UGDH: variants seen among roughly 807,000 people sequenced by gnomAD.
UGDH encodes UDP-glucose 6-dehydrogenase, also known as UDP-Glc dehydrogenase.
UGDH carries 38 observed loss-of-function variants against 50.6 expected under a neutral mutation model. That is an observed-to-expected ratio of 0.75 (90% CI 0.58 to 0.98). The LOEUF (loss-of-function observed/expected upper bound fraction) is 0.98. Ranked by LOEUF, UGDH falls within the 50% of genes least tolerant of loss-of-function variation. The pLI, the probability that UGDH is intolerant of heterozygous loss-of-function variation, is 0.00. For missense variants in UGDH, 465 were observed against 606.2 expected (o/e 0.77, Z 2.45); for synonymous variants, 168 against 199.9 (o/e 0.84, Z 1.35).
At chr4:39,516,651 T>A (rs1403953974) in intron 2 of UGDH, among the ~76,000 whole-genome samples, 1 of 152,170 alleles carries the variant, frequency 6.6e-6, no homozygotes, top group Non-Finnish European at 1.5e-5. Context: ...TCTCCAATGG[T>A]TCCGAGGTCT....
chr4:39,515,951 C>A (rs1746427637), intron 2 of UGDH, among the ~76,000 whole-genome samples: 1 of 152,126 alleles, frequency 6.6e-6, no homozygotes, highest in Non-Finnish European at 1.5e-5. Flanking sequence ...CCACCCGCCT[C>A]AGCCTCCGAA....
At position 39,508,569 on chromosome 4, in the gene UGDH, C is replaced by T; in HGVS notation, c.903G>A (p.Gln301=). 6 of 1,611,092 alleles carry T rather than the reference C, an allele frequency of 3.7e-6. No individual in the cohort carries two copies. Among genetic ancestry groups the T allele is most frequent in the Non-Finnish European group, 5.1e-6 (6 of 1,178,986 alleles). ...LNLPEVARYW[Q]QVIDMNDYQR... ...TATTACCTATAGAGATTAATACCTG[C>T]TGCCAATAACGAGCTACTTCTGGCA... Residue 301 remains glutamine (Q), a synonymous_variant, in exon 7 of 12, where the codon CAG becomes CAA. Coordinates refer to ENST00000316423, the MANE Select transcript of UGDH (RefSeq NM_003359.4).
Position 39,504,527 on chromosome 4 carries a change from CA to C in UGDH, c.1172-20del, listed in dbSNP as rs777312314. ...CGGGACACTGTAACAATAGCAACAA[CA>C]AAAAAACAGAAATAAGAAAGGAGTT... On this transcript the variant is annotated intron_variant, in intron 9 of 11. Coordinates refer to ENST00000316423, the MANE Select transcript of UGDH (RefSeq NM_003359.4). The C allele has an allele frequency of 1.2e-6, 2 of 1,602,644 alleles. No homozygotes were observed. The highest frequency in any genetic ancestry group is 1.7e-6 in the Non-Finnish European group (2 of 1,171,614).
At position 39,509,916 on chromosome 4, in the gene UGDH, A is replaced by G. The variant is rs1746172613; in HGVS notation, c.664-9T>C. The G allele has an allele frequency of 6.3e-7, 1 of 1,575,552 alleles. No individual in the cohort carries two copies. The highest frequency in any genetic ancestry group is 8.5e-7 in the Non-Finnish European group (1 of 1,171,732). The stretch of plus-strand genomic sequence containing the variant: ...AGAAAAGCATTTGCTGCCTTAAAAA[A>G]AAAAAACATAGAGAAGAGTAAGATA... On this transcript the variant is annotated splice_polypyrimidine_tract_variant and intron_variant, in intron 5 of 11. Transcript: ENST00000316423.
intron 2 of UGDH, among the ~76,000 whole-genome samples, chr4:39,515,768 C>T (rs1481091161): frequency 2.0e-5 from 3 of 152,116 alleles, no homozygotes; most frequent in Admixed American, 2.0e-4. Context: ...GGCACCATCT[C>T]GTCTCACTGC....
chr4:39,525,664 G>T (rs1044130028), intron 1 of UGDH, among the ~76,000 whole-genome samples: 1 of 144,048 alleles, frequency 6.9e-6, no homozygotes, highest in African/African-American at 2.8e-5. Flanking sequence ...CCGCCACTAC[G>T]CCCGGCTAAT....
chr4:39,526,135 T>A (rs1746879754), intron 1 of UGDH, among the ~76,000 whole-genome samples: 1 of 152,238 alleles, frequency 6.6e-6, no homozygotes, highest in African/African-American at 2.4e-5. Flanking sequence ...TATAGTTGGA[T>A]ACATCAGCTT....
chr4:39,500,554 C>T (rs1273157599), intron 11 of UGDH, among the ~76,000 whole-genome samples: 1 of 152,130 alleles, frequency 6.6e-6, no homozygotes, highest in Non-Finnish European at 1.5e-5. Flanking sequence ...ATGAAATTAA[C>T]CTACCAGTTT....
chr4:39,506,744 A>G (rs1184022772), intron 7 of UGDH, among the ~76,000 whole-genome samples: 2 of 152,246 alleles, frequency 1.3e-5, no homozygotes, highest in African/African-American at 4.8e-5. Flanking sequence ...AGCTTAAGCA[A>G]TTAGCCCAAA....
intron 2 of UGDH, among the ~76,000 whole-genome samples, chr4:39,515,548 G>A (rs1190569607): frequency 6.6e-6 from 1 of 151,548 alleles, no homozygotes; most frequent in African/African-American, 2.4e-5. Flanking sequence ...TTAAGAATAT[G>A]GAGGGGTATA....
intron 1 of UGDH, among the ~76,000 whole-genome samples, chr4:39,523,710 A>T (rs1266983828): frequency 6.6e-6 from 1 of 151,962 alleles, no homozygotes; most frequent in African/African-American, 2.4e-5. Flanking sequence ...AGGCTGAGGC[A>T]GGAGAATCGC....
At chr4:39,512,974 A>T (rs867567550) in intron 3 of UGDH, among the ~76,000 whole-genome samples, 14 of 152,066 alleles carry the variant, frequency 9.2e-5, no homozygotes, top group African/African-American at 3.1e-4. Context: ...GACATACAGC[A>T]CCACGGCCAG....
chr4:39,514,020 A>G, intron 3 of UGDH, 63 bp downstream of exon 3: 2 of 1,311,354 alleles, frequency 1.5e-6, no homozygotes, highest in South Asian at 1.3e-5. Context: ...CTATTAAAGT[A>G]TGATGAAACT....
At chr4:39,513,009 T>C (rs938761895) in intron 3 of UGDH, among the ~76,000 whole-genome samples, 1 of 152,084 alleles carries the variant, frequency 6.6e-6, no homozygotes, top group East Asian at 1.9e-4. Context: ...GGTTTCACCA[T>C]GTTGCCCACG....
intron 9 of UGDH, 39 bp downstream of exon 9, chr4:39,505,198 G>A: frequency 6.4e-7 from 1 of 1,561,586 alleles, no homozygotes; most frequent in Non-Finnish European, 8.6e-7. Flanking sequence ...AAGTTTTCAG[G>A]TCTGGACTCA....
At chr4:39,519,239 G>C (rs1434656630) in intron 2 of UGDH, among the ~76,000 whole-genome samples, 1 of 148,790 alleles carries the variant, frequency 6.7e-6, no homozygotes, top group East Asian at 2.0e-4. Flanking sequence ...TTTTAATTTG[G>C]AGATGGGAGT....
At chr4:39,507,786 A>G (rs1205331749) in intron 7 of UGDH, among the ~76,000 whole-genome samples, 1 of 152,044 alleles carries the variant, frequency 6.6e-6, no homozygotes, top group Non-Finnish European at 1.5e-5. Context: ...TGTCTCTACA[A>G]ACAAAATTTT....
At chr4:39,509,699 A>C in intron 6 of UGDH, 61 bp downstream of exon 6, 1 of 1,549,834 alleles carries the variant, frequency 6.5e-7, no homozygotes, top group South Asian at 1.2e-5. Context: ...GGTACCAGCA[A>C]ATAATATGCC....
chr4:39,520,498 A>G (rs979061125), intron 2 of UGDH, among the ~76,000 whole-genome samples: 1 of 152,010 alleles, frequency 6.6e-6, no homozygotes, highest in African/African-American at 2.4e-5. Flanking sequence ...ATAAAAAAAA[A>G]GGAAACCAGA....
Sources: gnomAD v4.1 joint callset for allele counts (sites outside exome capture counted in the v4.1 genomes callset) on GRCh38, gnomAD v4.1.1 for gene constraint, MANE v1.5 for transcripts, NCBI Gene and HGNC (gene_info 2026-07-23, HGNC 2026-07-21) for gene names.